The following MMP16 variants were observed in gnomAD, a reference collection of about 807,000 sequenced individuals.
MMP16 encodes matrix metalloproteinase-16.
MMP16 carries 12 observed loss-of-function variants against 67.8 expected under a neutral mutation model. The observed-to-expected ratio is 0.18, with a 90% CI of 0.11 to 0.29. The LOEUF (loss-of-function observed/expected upper bound fraction) is 0.29. MMP16 is among the 10% of genes least tolerant of loss of function. The pLI, the probability that MMP16 is intolerant of heterozygous loss-of-function variation, is 1.00. For missense variants in MMP16, 475 were observed against 765.7 expected, an observed-to-expected ratio of 0.62 and a Z score of 4.48; for synonymous variants, 249 against 255.9, an observed-to-expected ratio of 0.97 and a Z score of 0.26.
At chr8:88,300,652 T>A (rs1811083193) in intron 1 of MMP16, among the ~76,000 whole-genome samples, 1 of 152,198 alleles carries the variant, frequency 6.6e-6, no homozygotes, top group Non-Finnish European at 1.5e-5. Flanking sequence ...GGTATGTACG[T>A]ACAGAAAAAA....
chr8:88,169,321 T>C (rs1379473638), intron 3 of MMP16, among the ~76,000 whole-genome samples: 1 of 152,188 alleles, frequency 6.6e-6, no homozygotes, highest in African/African-American at 2.4e-5. Context: ...TATAAACTAA[T>C]AATAGTATTA....
intron 2 of MMP16, among the ~76,000 whole-genome samples, chr8:88,194,207 T>C (rs1308558939): frequency 6.6e-6 from 1 of 152,016 alleles, no homozygotes; most frequent in Non-Finnish European, 1.5e-5. Flanking sequence ...ATTCAATGCA[T>C]CCCATGTCTA....
At chr8:88,064,237 A>T (rs895743160) in intron 7 of MMP16, among the ~76,000 whole-genome samples, 9 of 152,166 alleles carry the variant, frequency 5.9e-5, no homozygotes, top group Non-Finnish European at 8.8e-5. Flanking sequence ...TTAGAAAACA[A>T]ATTCCTTAAC....
intron 4 of MMP16, among the ~76,000 whole-genome samples, chr8:88,156,915 T>C (rs888157391): frequency 7.2e-5 from 11 of 152,266 alleles, no homozygotes; most frequent in Non-Finnish European, 1.5e-4. Context: ...GTATGAATTA[T>C]GATTAAGCAA....
At position 88,117,704 on chromosome 8, in the gene MMP16, C is replaced by T. The variant is rs145606592; in HGVS notation, c.872-986G>A. 1.3e-3 allele frequency among the ~76,000 whole-genome samples: 204 copies of T among 151,958 alleles called. 1 individual carries two copies. Among genetic ancestry groups the T allele is most frequent in the Non-Finnish European group, 5.4e-4 (37 of 67,914 alleles). On this transcript the variant is annotated intron_variant, in intron 5 of 9. Coordinates refer to ENST00000286614, the MANE Select transcript of MMP16 (RefSeq NM_005941.5). ...CAAAAACTGACCTTTTTTTACAAAT[C>T]TATTTTACCCCTGAGAGAATACTTA...
rs28907896 is a variant in MMP16, at chr8:88,311,171, A to G, written c.132+15904T>C. ...GACGGCTCACTAATATTTATTCTCG[A>G]CACCAAAAAAAATGTATATTAGGAT... On this transcript the variant is annotated intron_variant, in intron 1 of 9. Coordinates refer to ENST00000286614, the MANE Select transcript of MMP16 (RefSeq NM_005941.5). Among the ~76,000 whole-genome samples the G allele has an allele frequency of 9.7e-3, 1,471 of 152,174 alleles. 22 individuals are homozygous for G. Among genetic ancestry groups the G allele is most frequent in the African/African-American group, 0.033 (1,391 of 41,530 alleles).
intron 4 of MMP16, among the ~76,000 whole-genome samples, chr8:88,158,388 G>A (rs552389863): frequency 1.8e-4 from 27 of 150,184 alleles, no homozygotes; most frequent in African/African-American, 6.3e-4. Context: ...ATGGTATCTC[G>A]TGGTTTTGAT....
chr8:88,261,477 C>T lies in MMP16; in HGVS notation c.133-64171G>A, dbSNP rs564916672. 9.9e-5 allele frequency among the ~76,000 whole-genome samples: 15 copies of T among 152,010 alleles called. 1 individual carries two copies. In the South Asian group the frequency reaches 2.9e-3, roughly 29 times the overall value. On this transcript the variant is annotated intron_variant, in intron 1 of 9. Coordinates refer to ENST00000286614, the MANE Select transcript of MMP16 (RefSeq NM_005941.5). ...GCAATCCCCTAAAATCCCACCCTAG[C>T]GTTCATATTTTTACTACCATACTTA... is the stretch of plus-strand genomic sequence containing the variant.
chr8:88,280,572 A>C (rs1381554189), intron 1 of MMP16, among the ~76,000 whole-genome samples: 2 of 152,212 alleles, frequency 1.3e-5, no homozygotes, highest in Non-Finnish European at 2.9e-5. Flanking sequence ...GTAAATAGAA[A>C]TTATTTTTAT....
At chr8:88,059,341 A>G (rs1808368189) in intron 7 of MMP16, among the ~76,000 whole-genome samples, 1 of 152,064 alleles carries the variant, frequency 6.6e-6, no homozygotes, top group African/African-American at 2.4e-5. Context: ...TAAAGACAAA[A>G]GTAAAAGAAA....
At chr8:88,190,373 G>A (rs1809151628) in intron 2 of MMP16, among the ~76,000 whole-genome samples, 1 of 152,110 alleles carries the variant, frequency 6.6e-6, no homozygotes, top group African/African-American at 2.4e-5. Context: ...TCAGGCTTTT[G>A]TATGTGACTT....
intron 6 of MMP16, among the ~76,000 whole-genome samples, chr8:88,099,663 T>A (rs1809100938): frequency 6.6e-6 from 1 of 151,782 alleles, no homozygotes; most frequent in Non-Finnish European, 1.5e-5. Flanking sequence ...TTAGTCCAGA[T>A]TTTTTCCCCT....
At chr8:88,276,175 A>G (rs1460118235) in intron 1 of MMP16, among the ~76,000 whole-genome samples, 1 of 152,112 alleles carries the variant, frequency 6.6e-6, no homozygotes, top group Non-Finnish European at 1.5e-5. Flanking sequence ...TGAAGCCATG[A>G]TGAGTTTCTT....
chr8:88,203,670 C>G (rs1052333451), intron 1 of MMP16, among the ~76,000 whole-genome samples: 3 of 152,100 alleles, frequency 2.0e-5, no homozygotes, highest in African/African-American at 7.2e-5. Flanking sequence ...ATTATATCAT[C>G]TTACAGAAAA....
chr8:88,317,616 C>G (rs1811393669), intron 1 of MMP16, among the ~76,000 whole-genome samples: 1 of 152,112 alleles, frequency 6.6e-6, no homozygotes, highest in Admixed American at 6.6e-5. Context: ...TATGTTTTTA[C>G]TTCCTTCAGA....
rs975605219 is a variant in MMP16, at chr8:88,255,388, G to A, written c.133-58082C>T. Among the ~76,000 whole-genome samples the A allele has an allele frequency of 2.6e-5, 4 of 152,220 alleles. 1 individual carries two copies. Among genetic ancestry groups the A allele is most frequent in the African/African-American group, 2.4e-5 (1 of 41,542 alleles). On this transcript the variant is annotated intron_variant, in intron 1 of 9. Coordinates refer to ENST00000286614, the MANE Select transcript of MMP16 (RefSeq NM_005941.5). ...CTTCCTGTACAACCTGCAGAACCAT[G>A]AGCCAAAATAAACCTTTCTTTTTAA...
chr8:88,045,297 A>C (rs1049834067), intron 9 of MMP16, among the ~76,000 whole-genome samples: 2 of 152,012 alleles, frequency 1.3e-5, no homozygotes, highest in Non-Finnish European at 2.9e-5. Flanking sequence ...ATTTATCCTG[A>C]TTCTAAGTTC....
At chr8:88,253,147 G>A (rs970176676) in intron 1 of MMP16, among the ~76,000 whole-genome samples, 2 of 151,988 alleles carry the variant, frequency 1.3e-5, no homozygotes, top group African/African-American at 4.8e-5. Context: ...GAATGCATTT[G>A]ACACAGCTAT....
chr8:88,311,072 T>A (rs2130066153), intron 1 of MMP16, among the ~76,000 whole-genome samples: 1 of 152,282 alleles, frequency 6.6e-6, no homozygotes, highest in African/African-American at 2.4e-5. Context: ...ATTGGATACT[T>A]TAAAAATAAG....
Sources: gnomAD v4.1 joint callset for allele counts (sites outside exome capture counted in the v4.1 genomes callset) on GRCh38, gnomAD v4.1.1 for gene constraint, MANE v1.5 for transcripts, NCBI Gene and HGNC (gene_info 2026-07-23, HGNC 2026-07-21) for gene names.